Variants in STARD9 observed in about 807,000 individuals in gnomAD.
STARD9 encodes stAR-related lipid transfer protein 9.
In STARD9, 346 loss-of-function variants were observed where a neutral mutation model predicts 399.8. The observed-to-expected ratio is 0.87, with a 90% CI of 0.79 to 0.95. The LOEUF (loss-of-function observed/expected upper bound fraction) is 0.95. Ranked by LOEUF, STARD9 falls within the 40% of genes least tolerant of loss-of-function variation. The pLI, the probability that STARD9 is intolerant of heterozygous loss-of-function variation, is 0.00. For missense variants in STARD9, 5,832 were observed against 5,667.5 expected, an observed-to-expected ratio of 1.03 and a Z score of -0.93; for synonymous variants, 2,203 against 2,143.5, an observed-to-expected ratio of 1.03 and a Z score of -0.77.
Position 42,717,722 on chromosome 15 carries a change from T to C in STARD9, c.13495-9T>C, listed in dbSNP as rs2061375791. 6.5e-7 allele frequency: 1 copy of C among 1,537,090 alleles called. No homozygotes were observed. Among genetic ancestry groups the C allele is most frequent in the East Asian group, 2.4e-5 (1 of 40,916 alleles). On this transcript the variant is annotated splice_polypyrimidine_tract_variant and intron_variant, in intron 28 of 32. Transcript: ENST00000290607. The stretch of plus-strand genomic sequence containing the variant: ...CCTCCTAATTTGGGTGTGGCCATTG[T>C]GTCCCCAGGTAATGGCTGCTTGTTC...
intron 3 of STARD9, among the ~76,000 whole-genome samples, chr15:42,619,427 T>C (rs1417758535): frequency 6.6e-6 from 1 of 151,840 alleles, no homozygotes; most frequent in African/African-American, 2.4e-5. Context: ...TAGCCGGGCA[T>C]GGTGGCACAC....
chr15:42,643,512 A>G (rs886867192), intron 7 of STARD9, among the ~76,000 whole-genome samples: 3 of 151,430 alleles, frequency 2.0e-5, no homozygotes, highest in African/African-American at 7.3e-5. Flanking sequence ...TCTTTTTAAA[A>G]AAAAACAGAG....
At chr15:42,667,503 C>G (rs781461469) in intron 15 of STARD9, among the ~76,000 whole-genome samples, 2 of 144,410 alleles carry the variant, frequency 1.4e-5, no homozygotes, top group Non-Finnish European at 3.0e-5. Flanking sequence ...TATTTTGGGA[C>G]AGAGTTTCGC....
At chr15:42,666,667 T>C (rs1270043160) in intron 15 of STARD9, among the ~76,000 whole-genome samples, 2 of 152,040 alleles carry the variant, frequency 1.3e-5, no homozygotes, top group Non-Finnish European at 2.9e-5. Context: ...AAAATTAATA[T>C]GATAGTTGTA....
At chr15:42,673,750 C>T (rs1007776743) in intron 16 of STARD9, among the ~76,000 whole-genome samples, 1 of 152,118 alleles carries the variant, frequency 6.6e-6, no homozygotes, top group Non-Finnish European at 1.5e-5. Flanking sequence ...CCTAACATAG[C>T]TATGTGGGTC....
At chr15:42,602,531 T>G (rs534174781) in intron 3 of STARD9, among the ~76,000 whole-genome samples, 1 of 152,316 alleles carries the variant, frequency 6.6e-6, no homozygotes, top group Admixed American at 6.5e-5. Flanking sequence ...ACTCAAGGGA[T>G]CAGATACAGA....
rs115595275 is a variant in STARD9, at chr15:42,638,835, A to T, written c.559+23A>T. The T allele has an allele frequency of 9.6e-4, 1,338 of 1,398,674 alleles. 5 individuals are homozygous for T. The highest frequency in any genetic ancestry group is 6.2e-3 in the Middle Eastern group (35 of 5,634). 86.6% of individuals were successfully genotyped at this position (1,398,674 alleles called of 1,614,324 possible). A position where few individuals can be genotyped will look rare whatever the true frequency, so the allele number is the denominator to read the frequency against. On this transcript the variant is annotated intron_variant, in intron 7 of 32. Transcript: ENST00000290607. ...AAGGTGAGCTACTGTGGTCCTGGAGATCTGAAACCAAACTGAAGCCTGGGA... is the reference window on the plus strand; with the variant it reads ...AAGGTGAGCTACTGTGGTCCTGGAGTTCTGAAACCAAACTGAAGCCTGGGA...
In STARD9 at chr15:42,652,589, G is replaced by T. The variant is rs1399023597; in HGVS notation, c.699G>T (p.Thr233=). Residue 233 remains threonine (T), a synonymous_variant, in exon 9 of 33, where the codon ACG becomes ACT. Coordinates refer to ENST00000290607, the MANE Select transcript of STARD9 (RefSeq NM_020759.3). ...RSHAIFTIHY[T]QAILENNLPS... is the part of the protein sequence containing the mutation. ...ACGCCATTTTCACGATCCACTACACGCAGGTTGGTAACTCCTTATGTTTGG... is the reference window on the plus strand; with the variant it reads ...ACGCCATTTTCACGATCCACTACACTCAGGTTGGTAACTCCTTATGTTTGG... 2.0e-6 allele frequency: 3 copies of T among 1,537,254 alleles called. No homozygotes were observed. Among genetic ancestry groups the T allele is most frequent in the Non-Finnish European group, 2.6e-6 (3 of 1,146,828 alleles).
At chr15:42,634,771 A>G in intron 3 of STARD9, 85 bp from the exon 4 acceptor site, 1 of 641,448 alleles carries the variant, frequency 1.6e-6, no homozygotes, top group Admixed American at 3.1e-5. Flanking sequence ...GAAATATTTT[A>G]TATTTTTTTA....
chr15:42,675,902 T>C lies in STARD9; in HGVS notation c.1801T>C (p.Leu601=), dbSNP rs1306097711. 2.6e-6 allele frequency: 4 copies of C among 1,537,120 alleles called. No homozygotes were observed. In the Admixed American group the frequency reaches 5.9e-5, roughly 23 times the overall value. The change falls in exon 20 of 33, where the codon TTG becomes CTG. Residue 601 remains leucine (L), a synonymous_variant. Coordinates refer to ENST00000290607, the MANE Select transcript of STARD9 (RefSeq NM_020759.3). The part of the protein sequence containing the change: ...VGEAAAGRGS[L]EWLDLDGDLA... ...AGAGGCTGCTGCTGGTCGTGGCTCG[T>C]TGGAGTGGCTGGATTTGGATGGAGA...
chr15:42,647,359 G>A (rs1193759114), intron 7 of STARD9, among the ~76,000 whole-genome samples: 1 of 152,032 alleles, frequency 6.6e-6, no homozygotes, highest in Admixed American at 6.6e-5. Flanking sequence ...CTATGAGTAT[G>A]GATGCCTTTT....
intron 3 of STARD9, among the ~76,000 whole-genome samples, chr15:42,632,807 A>G (rs1161739476): frequency 6.6e-6 from 1 of 152,156 alleles, no homozygotes; most frequent in Non-Finnish European, 1.5e-5. Context: ...GTGCCACTGC[A>G]CTTCAGCCTA....
At chr15:42,625,771 G>C (rs2059194230) in intron 3 of STARD9, among the ~76,000 whole-genome samples, 1 of 151,376 alleles carries the variant, frequency 6.6e-6, no homozygotes, top group South Asian at 2.1e-4. Flanking sequence ...TCTGTGGGAA[G>C]GTATTAAGGG....
At chr15:42,578,621 CTTTG>C (rs925824263) in intron 1 of STARD9, among the ~76,000 whole-genome samples, 6 of 144,210 alleles carry the variant, frequency 4.2e-5, no homozygotes, top group African/African-American at 1.6e-4. Flanking sequence ...CACTGTATAG[CTTTG>C]TTTTTTTTTT....
chr15:42,718,607 A>C, intron 31 of STARD9, 93 bp downstream of exon 31: 1 of 1,441,418 alleles, frequency 6.9e-7, no homozygotes, highest in African/African-American at 1.4e-5. Context: ...CTCTAGGGGA[A>C]GGAGGGCAAA....
chr15:42,626,709 A>C (rs911174707), intron 3 of STARD9, among the ~76,000 whole-genome samples: 3 of 146,760 alleles, frequency 2.0e-5, no homozygotes, highest in African/African-American at 2.5e-5. Context: ...ACGGGGTTTC[A>C]CCGTGTTGGT....
At chr15:42,622,542 G>A (rs2059113775) in intron 3 of STARD9, among the ~76,000 whole-genome samples, 1 of 151,988 alleles carries the variant, frequency 6.6e-6, no homozygotes, top group Non-Finnish European at 1.5e-5. Flanking sequence ...ATGTCTCTCC[G>A]TTTTGGATCC....
At chr15:42,616,801 G>A (rs2058971240) in intron 3 of STARD9, among the ~76,000 whole-genome samples, 1 of 149,804 alleles carries the variant, frequency 6.7e-6, no homozygotes, top group Admixed American at 6.7e-5. Flanking sequence ...TGAGGCAGGA[G>A]AATGGCACGA....
At chr15:42,596,128 G>A (rs2058499800) in intron 3 of STARD9, among the ~76,000 whole-genome samples, 1 of 152,154 alleles carries the variant, frequency 6.6e-6, no homozygotes, top group Admixed American at 6.5e-5. Context: ...AAGGGTAATG[G>A]AAATTCCTTG....
Sources: allele counts gnomAD v4.1 joint callset (sites outside exome capture counted in the v4.1 genomes callset), GRCh38; gene constraint gnomAD v4.1.1; transcripts MANE v1.5; gene names NCBI Gene and HGNC (gene_info 2026-07-23, HGNC 2026-07-21).